The following RNF111 variants were observed in gnomAD, a reference collection of about 807,000 sequenced individuals.
RNF111 encodes the protein ring finger protein 111.
Under a neutral mutation model 95.1 loss-of-function variants are expected in RNF111, and 17 were observed. The ratio of observed to expected loss-of-function variants is 0.18; its 90% CI spans 0.12 to 0.27. The LOEUF is 0.27. Among genes scored for constraint, RNF111 ranks in the 10% least tolerant of loss-of-function variants. The pLI is 1.00. For synonymous variants in RNF111, 440 were observed against 414.8 expected (o/e 1.06, Z -0.74); for missense variants, 1,189 against 1,210.4 (o/e 0.98, Z 0.26).
chr15:59,004,585 C>G (rs1216804850), intron 1 of RNF111, among the ~76,000 whole-genome samples: 6 of 152,144 alleles, frequency 3.9e-5, no homozygotes, highest in African/African-American at 1.4e-4. Context: ...AACCAGTATT[C>G]TAGAGTTGTT....
intron 4 of RNF111, among the ~76,000 whole-genome samples, chr15:59,057,366 C>G (rs1267392416): frequency 6.6e-6 from 1 of 152,168 alleles, no homozygotes; most frequent in Non-Finnish European, 1.5e-5. Flanking sequence ...TTTGGACATA[C>G]TAGCATTCAA....
chr15:59,017,253 G>T (rs2040112851), intron 1 of RNF111, among the ~76,000 whole-genome samples: 2 of 145,446 alleles, frequency 1.4e-5, no homozygotes, highest in Admixed American at 1.4e-4. Flanking sequence ...TTTTATTTTT[G>T]TATTTTTAAG....
At position 59,085,704 on chromosome 15, in the gene RNF111, T is replaced by C. The variant is rs1287875543; in HGVS notation, c.2469T>C (p.Pro823=). ...GAGTGACTGCAGCTACTTATACACC[T>C]GGTGCATTGCATCCTCACTTGGCCC... ...EAGVTAATYT[P]GALHPHLAHY... The change falls in exon 10 of 14, where the codon CCT becomes CCC. Residue 823 remains proline (P), a synonymous_variant. Transcript: ENST00000348370. 6.2e-7 allele frequency: 1 copy of C among 1,613,604 alleles called. No homozygotes were observed. Among genetic ancestry groups the C allele is most frequent in the East Asian group, 2.2e-5 (1 of 44,836 alleles).
At chr15:59,033,237 G>A (rs1446931129) in intron 2 of RNF111, among the ~76,000 whole-genome samples, 1 of 152,122 alleles carries the variant, frequency 6.6e-6, no homozygotes, top group Non-Finnish European at 1.5e-5. Flanking sequence ...TTTTGGATGT[G>A]CCATTTCTTC....
chr15:59,066,365 C>G (rs2042655702), intron 5 of RNF111, among the ~76,000 whole-genome samples: 2 of 152,112 alleles, frequency 1.3e-5, no homozygotes, highest in Admixed American at 1.3e-4. Flanking sequence ...AATCCCAGCA[C>G]TTTGGGAGGC....
intron 2 of RNF111, among the ~76,000 whole-genome samples, chr15:59,037,842 A>G (rs2041257881): frequency 6.6e-6 from 1 of 152,194 alleles, no homozygotes; most frequent in Non-Finnish European, 1.5e-5. Flanking sequence ...CTCTCAAAAA[A>G]AAAAGTAGGT....
chr15:59,020,423 C>G (rs2040281380), intron 1 of RNF111, among the ~76,000 whole-genome samples: 1 of 151,982 alleles, frequency 6.6e-6, no homozygotes. Flanking sequence ...GTGCTGCCAC[C>G]CTACCAAAAA....
At chr15:59,032,087 C>T (rs2040939772) in intron 2 of RNF111, among the ~76,000 whole-genome samples, 1 of 151,992 alleles carries the variant, frequency 6.6e-6, no homozygotes, top group Non-Finnish European at 1.5e-5. Context: ...TACAGGTGCC[C>T]ACCACCATGC....
intron 6 of RNF111, among the ~76,000 whole-genome samples, chr15:59,071,684 C>G (rs1464716604): frequency 6.7e-6 from 1 of 149,770 alleles, no homozygotes. Flanking sequence ...AACAGAGATC[C>G]TGTCGCAAAA....
At chr15:59,004,115 TC>T in intron 1 of RNF111, 1 of 1,174,196 alleles carries the variant, frequency 8.5e-7, no homozygotes, top group Non-Finnish European at 1.1e-6. Context: ...TTTATTTTAT[TC>T]CAGTGTGAAT....
chr15:59,083,480 G>C (rs1040263244), intron 8 of RNF111, among the ~76,000 whole-genome samples: 1 of 151,644 alleles, frequency 6.6e-6, no homozygotes, highest in African/African-American at 2.4e-5. Context: ...AGAGGTTGCA[G>C]TGAGCCAAGA....
intron 1 of RNF111, among the ~76,000 whole-genome samples, chr15:59,012,841 C>T (rs891083056): frequency 2.0e-5 from 3 of 151,716 alleles, no homozygotes; most frequent in Non-Finnish European, 2.9e-5. Flanking sequence ...CAGGTTCAAG[C>T]GATTCTCCCA....
chr15:59,076,893 C>T (rs1422546668), intron 7 of RNF111, among the ~76,000 whole-genome samples: 2 of 152,144 alleles, frequency 1.3e-5, no homozygotes, highest in African/African-American at 4.8e-5. Flanking sequence ...ACCAGGAAGT[C>T]AGCAAGGAAA....
intron 8 of RNF111, among the ~76,000 whole-genome samples, chr15:59,083,608 T>TG (rs558241519): frequency 1.2e-3 from 190 of 152,266 alleles, no homozygotes; most frequent in African/African-American, 4.3e-3. Flanking sequence ...ACATGTGTTT[T>TG]GAAAAAAAAT....
intron 6 of RNF111, among the ~76,000 whole-genome samples, chr15:59,073,956 A>G (rs2043056239): frequency 6.6e-6 from 1 of 152,246 alleles, no homozygotes; most frequent in Non-Finnish European, 1.5e-5. Context: ...ATACATCATC[A>G]GAGCTCTTTG....
chr15:59,090,232 G>GT (rs869046569), intron 11 of RNF111, among the ~76,000 whole-genome samples: 2 of 150,692 alleles, frequency 1.3e-5, no homozygotes, highest in Non-Finnish European at 3.0e-5. Context: ...TTGTTTGTTT[G>GT]TTGTTGTTGT....
intron 1 of RNF111, among the ~76,000 whole-genome samples, chr15:58,992,895 G>A (rs531826506): frequency 1.4e-4 from 21 of 152,214 alleles, no homozygotes; most frequent in African/African-American, 5.1e-4. Context: ...GCTGGACATG[G>A]TGGTGCACAC....
chr15:59,091,240 C>T, intron 12 of RNF111, 86 bp downstream of exon 12: 1 of 708,732 alleles, frequency 1.4e-6, no homozygotes, highest in Non-Finnish European at 2.3e-6. Context: ...TAGACTCTAG[C>T]AATGACATTT....
intron 1 of RNF111, among the ~76,000 whole-genome samples, chr15:58,995,592 G>A (rs1336803425): frequency 6.6e-6 from 1 of 151,674 alleles, no homozygotes; most frequent in African/African-American, 2.4e-5. Flanking sequence ...CAAATAGCTG[G>A]GATTATAGGC....
Sources: allele counts gnomAD v4.1 joint callset (sites outside exome capture counted in the v4.1 genomes callset), GRCh38; gene constraint gnomAD v4.1.1; transcripts MANE v1.5; gene names NCBI Gene and HGNC (gene_info 2026-07-23, HGNC 2026-07-21).